WNT2B: variants seen among roughly 807,000 people sequenced by gnomAD.
WNT2B encodes protein Wnt-2b.
A neutral mutation model predicts 40.5 loss-of-function variants in WNT2B; 19 were observed. The ratio of observed to expected loss-of-function variants is 0.47; its 90% CI spans 0.33 to 0.69. The LOEUF (loss-of-function observed/expected upper bound fraction) is 0.69, where lower values mean the gene tolerates loss of function less well. WNT2B is among the 30% of genes least tolerant of loss of function. The probability of loss-of-function intolerance (pLI) is 0.02; values close to 1 mark genes in which losing one functional copy is unlikely to be tolerated. For synonymous variants in WNT2B, 220 were observed against 211.9 expected, an observed-to-expected ratio of 1.04 and a Z score of -0.33; for missense variants, 467 against 556.4, an observed-to-expected ratio of 0.84 and a Z score of 1.62.
intron 1 of WNT2B, among the ~76,000 whole-genome samples, chr1:112,474,140 A>G (rs1318232308): frequency 6.6e-6 from 1 of 151,772 alleles, no homozygotes; most frequent in Non-Finnish European, 1.5e-5. Context: ...TGATAAAGAG[A>G]ATGCTTTTTT....
chr1:112,492,308 T>C (rs1464554505), intron 1 of WNT2B, among the ~76,000 whole-genome samples: 6 of 152,222 alleles, frequency 3.9e-5, no homozygotes, highest in Non-Finnish European at 8.8e-5. Flanking sequence ...AAACCACTGC[T>C]TCCTAAATTG....
At chr1:112,500,603 C>A (rs1032714376) in intron 1 of WNT2B, among the ~76,000 whole-genome samples, 3 of 149,994 alleles carry the variant, frequency 2.0e-5, no homozygotes, top group Non-Finnish European at 4.4e-5. Context: ...GACCCCGTCA[C>A]TAAAAAAAAT....
At position 112,517,116 on chromosome 1, in the gene WNT2B, C is replaced by T. The variant is rs1652589902; in HGVS notation, c.682-5C>T. ...TCTCCCTTAACTGCCTTCCCCCTCC[C>T]CCAGGCTGTGCGGCGGTTTCTGAAG... On this transcript the variant is annotated splice_region_variant and splice_polypyrimidine_tract_variant and intron_variant, in intron 3 of 4. Transcript: ENST00000369684. The T allele has an allele frequency of 1.2e-5, 19 of 1,609,022 alleles. No homozygotes were observed. The highest frequency in any genetic ancestry group is 1.6e-5 in the Non-Finnish European group (19 of 1,176,074).
chr1:112,513,837 A>C (rs1652437421), intron 1 of WNT2B, among the ~76,000 whole-genome samples: 1 of 152,194 alleles, frequency 6.6e-6, no homozygotes, highest in South Asian at 2.1e-4. Flanking sequence ...AGGGAGAGAA[A>C]GAGAATGACA....
chr1:112,480,776 C>T (rs966438515), intron 1 of WNT2B, among the ~76,000 whole-genome samples: 3 of 152,042 alleles, frequency 2.0e-5, no homozygotes, highest in Non-Finnish European at 4.4e-5. Flanking sequence ...AAAGATACTC[C>T]GAGAAAAGAA....
chr1:112,521,677 T>C lies in WNT2B; in HGVS notation c.*1168T>C, dbSNP rs1652890987. The C allele has an allele frequency of 6.6e-6, 1 of 152,112 alleles. No homozygotes were observed. The highest frequency in any genetic ancestry group is 6.5e-5 in the Admixed American group (1 of 15,274). 9.4% of individuals were successfully genotyped at this position (152,112 alleles called of 1,614,324 possible). On this transcript the variant is annotated 3_prime_UTR_variant, in exon 5 of 5. Coordinates refer to ENST00000369684, the MANE Select transcript of WNT2B (RefSeq NM_024494.3). ...TTAGTGACTCTCCAAGTCCTAGTGA[T>C]TATTATTATTGTTCACTCCACATTT... is the stretch of plus-strand genomic sequence containing the variant.
rs777710747 is a variant in WNT2B at position 112,529,416 on chromosome 1, T to C, written c.*8907T>C. ...CAACTGTGACAGCACTATGAATTCA[T>C]TAAGAAGCATGTTTCAGGTTGCACT... On this transcript the variant is annotated 3_prime_UTR_variant, in exon 5 of 5. Coordinates refer to ENST00000369684, the MANE Select transcript of WNT2B (RefSeq NM_024494.3). 2 of 152,192 alleles carry C rather than the reference T, an allele frequency of 1.3e-5. No homozygotes were observed. Among genetic ancestry groups the C allele is most frequent in the Non-Finnish European group, 2.9e-5 (2 of 68,034 alleles). 9.4% of individuals were successfully genotyped at this position (152,192 alleles called of 1,614,324 possible). A position where few individuals can be genotyped will look rare whatever the true frequency, so the allele number is the denominator to read the frequency against.
At chr1:112,520,077 T>C (rs1652782371) in intron 4 of WNT2B, among the ~76,000 whole-genome samples, 1 of 150,880 alleles carries the variant, frequency 6.6e-6, no homozygotes, top group Non-Finnish European at 1.5e-5. Flanking sequence ...TTGCTATGTT[T>C]CCCAGGCTGG....
upstream of WNT2B, among the ~76,000 whole-genome samples, chr1:112,506,467 C>G (rs1324471769): frequency 1.3e-5 from 2 of 152,202 alleles, no homozygotes; most frequent in African/African-American, 4.8e-5. Context: ...AGCCAACTTT[C>G]CCCCTCCCTG....
chr1:112,517,459 TTCAGTC>T, intron 4 of WNT2B, 74 bp downstream of exon 4: 1 of 1,521,028 alleles, frequency 6.6e-7, no homozygotes, highest in Non-Finnish European at 8.8e-7. Flanking sequence ...TCATGGTCTG[TTCAGTC>T]TCAGGAGTTA....
At chr1:112,496,988 T>C (rs1651797137) in intron 1 of WNT2B, among the ~76,000 whole-genome samples, 1 of 152,224 alleles carries the variant, frequency 6.6e-6, no homozygotes, top group South Asian at 2.1e-4. Context: ...CAAACAACGT[T>C]AAATCCTATG....
upstream of WNT2B, among the ~76,000 whole-genome samples, chr1:112,508,529 C>T (rs1449631441): frequency 6.6e-6 from 1 of 152,154 alleles, no homozygotes; most frequent in Non-Finnish European, 1.5e-5. This position sits in a 1 kb window ranked among gnomAD's most constrained non-coding sequence, Gnocchi z 4.2. Flanking sequence ...GTGGCAGGGA[C>T]TCTACCCATT....
At chr1:112,475,370 A>G (rs1651023009) in intron 1 of WNT2B, among the ~76,000 whole-genome samples, 1 of 152,224 alleles carries the variant, frequency 6.6e-6, no homozygotes, top group African/African-American at 2.4e-5. Flanking sequence ...CATCTATACA[A>G]AGGAATGATG....
rs762369097 is a variant in WNT2B at position 112,516,325 on chromosome 1, C to T, written c.589C>T (p.Arg197Cys). ...CAGTGACAACATCCACTACGGTGTC[C>T]GTTTTGCCAAGGCCTTCGTGGATGC... ...GCSDNIHYGV[R>C]FAKAFVDAKE... Residue 197 changes from arginine (R) to cysteine (C), a missense_variant, in exon 3 of 5, where the codon CGT (arginine) becomes TGT (cysteine). Arg to Cys is a radical substitution (Grantham distance 180). Coordinates refer to ENST00000369684, the MANE Select transcript of WNT2B (RefSeq NM_024494.3). The T allele has an allele frequency of 5.0e-6, 8 of 1,613,856 alleles. No homozygotes were observed. Among genetic ancestry groups the T allele is most frequent in the East Asian group, 2.2e-5 (1 of 44,854 alleles).
At chr1:112,514,639 T>C in intron 1 of WNT2B, 1 of 571,938 alleles carries the variant, frequency 1.7e-6, no homozygotes, top group Non-Finnish European at 3.1e-6. Context: ...GGCCTTTGGC[T>C]GGGGAACTGG....
intron 1 of WNT2B, among the ~76,000 whole-genome samples, chr1:112,470,962 C>G (rs1406639852): frequency 6.6e-6 from 1 of 152,194 alleles, no homozygotes; most frequent in Non-Finnish European, 1.5e-5. Context: ...TGTGTGGCAC[C>G]ATCCTTTTCC....
At chr1:112,467,918 T>C (rs1435344857) in intron 1 of WNT2B, among the ~76,000 whole-genome samples, 3 of 152,232 alleles carry the variant, frequency 2.0e-5, no homozygotes, top group Admixed American at 2.0e-4. Context: ...TCTATCTAAC[T>C]GTATGTTTGT....
chr1:112,515,462 C>T lies in WNT2B; in HGVS notation c.403+368C>T, dbSNP rs1331151040. Among the ~76,000 whole-genome samples, 1 of 150,842 alleles carries T rather than the reference C, an allele frequency of 6.6e-6. No individual in the cohort carries two copies. Among genetic ancestry groups the T allele is most frequent in the Non-Finnish European group, 1.5e-5 (1 of 68,018 alleles). ...AACACCACCATCACTATCGTCACCC[C>T]AACACTCCCAACACTACAGTAATGG... On this transcript the variant is annotated intron_variant, in intron 2 of 4. Transcript: ENST00000369684. This position sits in a 1 kb window ranked among gnomAD's most constrained non-coding sequence, Gnocchi z 4.4.
Position 112,508,968 on chromosome 1 carries a change from C to T in WNT2B, c.-295C>T. ...CCCGCGGCCGAAGGGGCTGTCCGCA[C>T]ACTAGGCCCGCAGCTCCCTTCAGCG... is the stretch of plus-strand genomic sequence containing the variant. On this transcript the variant is annotated 5_prime_UTR_variant, in exon 1 of 5. Transcript: ENST00000369684. The surrounding 1 kb of genome is among the most constrained non-coding windows in gnomAD (Gnocchi z 4.2). The T allele has an allele frequency of 7.9e-7, 1 of 1,265,004 alleles. No individual in the cohort carries two copies. Among genetic ancestry groups the T allele is most frequent in the Non-Finnish European group, 9.9e-7 (1 of 1,008,322 alleles). The allele number at this position is 1,265,004 out of a possible 1,614,324, so 78.4% of individuals were successfully genotyped here. A position where few individuals can be genotyped will look rare whatever the true frequency, so the allele number is the denominator to read the frequency against.
Sources: allele counts gnomAD v4.1 joint callset (sites outside exome capture counted in the v4.1 genomes callset), GRCh38; gene constraint gnomAD v4.1.1; non-coding constraint Gnocchi (gnomAD v3.1); transcripts MANE v1.5; gene names NCBI Gene and HGNC (gene_info 2026-07-23, HGNC 2026-07-21).